TAF4: variants seen among roughly 807,000 people sequenced by gnomAD.
TAF4 encodes transcription initiation factor TFIID subunit 4.
TAF4 carries 9 observed loss-of-function variants against 90.3 expected under a neutral mutation model. The ratio of observed to expected loss-of-function variants is 0.10; its 90% confidence interval spans 0.06 to 0.17. The LOEUF (loss-of-function observed/expected upper bound fraction) is 0.17, where lower values mean the gene tolerates loss of function less well. TAF4 is among the 10% of genes least tolerant of loss of function. The probability of loss-of-function intolerance (pLI) is 1.00; values close to 1 mark genes in which losing one functional copy is unlikely to be tolerated. For missense variants in TAF4, 1,351 were observed against 1,370.7 expected (o/e 0.99, Z 0.23); for synonymous variants, 818 against 638.9 (o/e 1.28, Z -4.23).
chr20:62,055,556 C>T (rs1378631394), intron 1 of TAF4, among the ~76,000 whole-genome samples: 1 of 152,240 alleles, frequency 6.6e-6, no homozygotes, highest in African/African-American at 2.4e-5. Flanking sequence ...GGGGGCAGCC[C>T]TGTGATACAA....
At chr20:61,982,202 C>G (rs368543966) in intron 14 of TAF4, among the ~76,000 whole-genome samples, 2 of 964 alleles carry the variant, frequency 2.1e-3, no homozygotes. Flanking sequence ...ACACCCCACC[C>G]GAGAGGAGAC....
At position 62,065,157 on chromosome 20, in the gene TAF4, G is replaced by A. The variant is rs1419627022; in HGVS notation, c.654C>T (p.Val218=). The change falls in exon 1 of 15, where the codon GTC becomes GTT. Residue 218 remains valine, a synonymous_variant. Coordinates refer to ENST00000252996, the MANE Select transcript of TAF4 (RefSeq NM_003185.4). ...HHAAAPAVSL[V]NNGPAALLPL... is the part of the protein sequence containing the mutation. ...GCAGCAGCGCGGCGGGCCCGTTGTT[G>A]ACCAGGCTGACAGCAGGTGCGGCGG... is the stretch of plus-strand genomic sequence containing the variant. The A allele has an allele frequency of 8.3e-6, 10 of 1,209,486 alleles. No homozygotes were observed. The highest frequency in any genetic ancestry group is 2.7e-5 in the Admixed American group (1 of 36,950). 74.9% of individuals were successfully genotyped at this position (1,209,486 alleles called of 1,614,324 possible).
chr20:61,999,250 C>T, intron 11 of TAF4, 142 bp from the exon 12 acceptor site: 1 of 1,071,428 alleles, frequency 9.3e-7, no homozygotes, highest in Non-Finnish European at 1.3e-6. Flanking sequence ...TCCCTCCCAC[C>T]CTGCAAATGC....
At chr20:61,983,912 G>A (rs1343799988) in intron 14 of TAF4, among the ~76,000 whole-genome samples, 4 of 152,126 alleles carry the variant, frequency 2.6e-5, no homozygotes, top group Non-Finnish European at 5.9e-5. Context: ...CCAGGGTGAC[G>A]GTCTGACGTG....
Position 62,065,750 on chromosome 20 carries a change from C to G in TAF4, c.61G>C (p.Val21Leu). Residue 21 changes from valine to leucine, a missense_variant, in exon 1 of 15, where the codon GTG (valine) becomes CTG (leucine). Coordinates refer to ENST00000252996, the MANE Select transcript of TAF4 (RefSeq NM_003185.4). ...AGCGAGCCCACCAGGTCGCTCACCA[C>G]TTTCTCGTCCACCTCGCTGTTGAAG... ...VFFNSEVDEK[V>L]VSDLVGSLES... 7.4e-7 allele frequency: 1 copy of G among 1,347,580 alleles called. No homozygotes were observed. Among genetic ancestry groups the G allele is most frequent in the East Asian group, 4.0e-5 (1 of 25,174 alleles). 83.5% of individuals were successfully genotyped at this position (1,347,580 alleles called of 1,614,324 possible). A position where few individuals can be genotyped will look rare whatever the true frequency, so the allele number is the denominator to read the frequency against.
rs1356934065 is a variant in TAF4, at chr20:62,065,592, T to C, written c.219A>G (p.Ala73=). ...CGCCCTCGGCGGGGGCGGCCGGCCC[T>C]GCGCCCGCGGCTCCGGCCGGGCTGC... ...VSGSPAGAAG[A]GPAAPAEGAP... is the part of the protein sequence containing the mutation. The change falls in exon 1 of 15, where the codon GCA becomes GCG. Residue 73 remains alanine, a synonymous_variant. Transcript: ENST00000252996. The C allele has an allele frequency of 6.7e-5, 66 of 980,442 alleles. No individual in the cohort carries two copies. The highest frequency in any genetic ancestry group is 7.6e-5 in the Non-Finnish European group (63 of 830,564). 60.7% of individuals were successfully genotyped at this position (980,442 alleles called of 1,614,324 possible).
At chr20:62,049,624 T>A (rs1275845711) in intron 1 of TAF4, among the ~76,000 whole-genome samples, 1 of 59,908 alleles carries the variant, frequency 1.7e-5, no homozygotes, top group Non-Finnish European at 3.8e-5. Flanking sequence ...ACGGCCCAGA[T>A]CCCTGCCTGC....
At chr20:61,998,594 C>T (rs1487833216) in intron 12 of TAF4, among the ~76,000 whole-genome samples, 1 of 152,160 alleles carries the variant, frequency 6.6e-6, no homozygotes, top group Non-Finnish European at 1.5e-5. Context: ...CACCCCCGTC[C>T]CTGGGGAACT....
intron 1 of TAF4, among the ~76,000 whole-genome samples, chr20:62,061,904 C>G (rs776463730): frequency 1.3e-5 from 2 of 152,242 alleles, no homozygotes; most frequent in Non-Finnish European, 2.9e-5. Context: ...ATTCAACATA[C>G]CCGGTGTGCA....
At chr20:62,015,503 A>C (rs1413342983) in intron 1 of TAF4, among the ~76,000 whole-genome samples, 1 of 152,166 alleles carries the variant, frequency 6.6e-6, no homozygotes, top group East Asian at 1.9e-4. Flanking sequence ...GCAGGGCTAT[A>C]AACACTGCAC....
chr20:62,064,989 G>A lies in TAF4; in HGVS notation c.822C>T (p.Pro274=), dbSNP rs2056117021. Residue 274 remains proline, a synonymous_variant, in exon 1 of 15, where the codon CCC becomes CCT. Coordinates refer to ENST00000252996, the MANE Select transcript of TAF4 (RefSeq NM_003185.4). ...GCCGGGCCAGAGTGGCGGGCGCGGGGGGTGGCGGGGGCGGGGCGGCGGCGG... is the reference window on the plus strand; with the variant it reads ...GCCGGGCCAGAGTGGCGGGCGCGGGAGGTGGCGGGGGCGGGGCGGCGGCGG... ...AAPAAAPPPP[P]PAPATLARPP... 2 of 274,200 alleles carry A rather than the reference G, an allele frequency of 7.3e-6. No homozygotes were observed. Among genetic ancestry groups the A allele is most frequent in the Non-Finnish European group, 1.1e-5 (2 of 188,608 alleles). 17.0% of individuals were successfully genotyped at this position (274,200 alleles called of 1,614,324 possible).
intron 11 of TAF4, 111 bp from the exon 12 acceptor site, chr20:61,999,219 C>A (rs2055682717): frequency 7.1e-7 from 1 of 1,403,194 alleles, no homozygotes; most frequent in East Asian, 2.3e-5. Flanking sequence ...TCCGTCCAGT[C>A]TGAATGCGGC....
chr20:62,014,397 T>C (rs1236360207), intron 2 of TAF4, 150 bp downstream of exon 2: 3 of 1,068,608 alleles, frequency 2.8e-6, no homozygotes, highest in African/African-American at 3.3e-5. Flanking sequence ...GGGCCCATCC[T>C]AGATGGGACG....
chr20:62,060,325 G>C (rs1351104210), intron 1 of TAF4, among the ~76,000 whole-genome samples: 2 of 152,248 alleles, frequency 1.3e-5, no homozygotes, highest in Non-Finnish European at 2.9e-5. Flanking sequence ...GTCATCCTCT[G>C]TTCAAACTCA....
intron 1 of TAF4, among the ~76,000 whole-genome samples, chr20:62,048,724 G>T (rs568506844): frequency 2.2e-5 from 3 of 138,528 alleles, no homozygotes; most frequent in African/African-American, 8.3e-5. Context: ...CATGCCCCCT[G>T]GTCCTCTCCC....
intron 14 of TAF4, among the ~76,000 whole-genome samples, chr20:61,989,551 T>C (rs1489939306): frequency 7.9e-4 from 60 of 76,226 alleles, no homozygotes; most frequent in East Asian, 1.4e-3. Flanking sequence ...GAATGAGGGA[T>C]CCCGGCACCC....
At position 62,065,716 on chromosome 20, in the gene TAF4, T is replaced by C; in HGVS notation, c.95A>G (p.Gln32Arg). Residue 32 changes from glutamine (Q) to arginine (R), a missense_variant, in exon 1 of 15, where the codon CAG (glutamine) becomes CGG (arginine). Coordinates refer to ENST00000252996, the MANE Select transcript of TAF4 (RefSeq NM_003185.4). Reference protein sequence around the residue: ...VSDLVGSLESQLAASAAHHHH... With the variant: ...VSDLVGSLESRLAASAAHHHH... ...GTGGTGGGCCGCGCTGGCCGCCAGC[T>C]GCGACTCCAGCGAGCCCACCAGGTC... 7.8e-7 allele frequency: 1 copy of C among 1,286,204 alleles called. No homozygotes were observed. 79.7% of individuals were successfully genotyped at this position (1,286,204 alleles called of 1,614,324 possible).
intron 1 of TAF4, among the ~76,000 whole-genome samples, chr20:62,029,829 C>A (rs1422989509): frequency 6.6e-6 from 1 of 152,184 alleles, no homozygotes; most frequent in Non-Finnish European, 1.5e-5. Flanking sequence ...TCGCTTGAAC[C>A]CGGGAGTCGG....
At chr20:62,045,426 G>A (rs1301567476) in intron 1 of TAF4, among the ~76,000 whole-genome samples, 1 of 152,242 alleles carries the variant, frequency 6.6e-6, no homozygotes, top group Non-Finnish European at 1.5e-5. Context: ...TTAAGCTTCA[G>A]AGAACAGGCG....
Sources: allele counts gnomAD v4.1 joint callset (sites outside exome capture counted in the v4.1 genomes callset), GRCh38; gene constraint gnomAD v4.1.1; transcripts MANE v1.5; gene names NCBI Gene and HGNC (gene_info 2026-07-23, HGNC 2026-07-21).